The following GYG2 variants were observed in gnomAD, a reference collection of about 807,000 sequenced individuals.
The protein encoded by GYG2 is glycogenin-2.
A neutral mutation model predicts 29.4 loss-of-function variants in GYG2; 29 were observed. The ratio of observed to expected loss-of-function variants is 0.99; its 90% CI spans 0.74 to 1.35. The LOEUF (loss-of-function observed/expected upper bound fraction) is 1.35, where lower values mean the gene tolerates loss of function less well. GYG2 is among the 40% of genes most tolerant of loss of function. The probability of loss-of-function intolerance (pLI) is 0.00; values close to 1 mark genes in which losing one functional copy is unlikely to be tolerated. For missense variants in GYG2, 370 were observed against 385.7 expected, an observed-to-expected ratio of 0.96 and a Z score of 0.34; for synonymous variants, 167 against 172.3, an observed-to-expected ratio of 0.97 and a Z score of 0.24.
intron 2 of GYG2, among the ~76,000 whole-genome samples, chrX:2,838,111 T>C (rs147720692): frequency 1.8e-5 from 2 of 111,629 alleles, no homozygotes; most frequent in Non-Finnish European, 3.8e-5. Flanking sequence ...TGAGAAATGG[T>C]ACGTGGTAGA....
At chrX:2,870,665 G>C (rs184881818) in intron 8 of GYG2, among the ~76,000 whole-genome samples, 2 of 112,051 alleles carry the variant, frequency 1.8e-5, no homozygotes, top group East Asian at 5.6e-4. Context: ...CCACATTCTA[G>C]CTTCAGTTAT....
In GYG2 at chrX:2,875,973, C is replaced by T. The variant is rs1229140255; in HGVS notation, c.1143+59C>T. 3 of 662,977 alleles carry T rather than the reference C, an allele frequency of 4.5e-6. No individual in the cohort carries two copies. In the African/African-American group the frequency reaches 6.7e-5, roughly 15 times the overall value. The allele number at this position is 662,977 out of a possible 1,213,427, so 54.6% of individuals were successfully genotyped here. The stretch of plus-strand genomic sequence containing the variant: ...GCTCTCTTATTGCTTGTTATTTTCT[C>T]ACAGGGTCTATCCCCATTACATACC... On this transcript the variant is annotated intron_variant, in intron 9 of 10. Coordinates refer to ENST00000398806, the MANE Select transcript of GYG2 (RefSeq NM_001079855.2).
chrX:2,843,444 G>A (rs1266960479), intron 3 of GYG2, 90 bp downstream of exon 3: 9 of 699,852 alleles, frequency 1.3e-5, no homozygotes, highest in African/African-American at 4.4e-5. Context: ...TTATTCTGAC[G>A]ACTGACTGCC....
intron 3 of GYG2, among the ~76,000 whole-genome samples, chrX:2,844,480 A>G (rs778426003): frequency 9.1e-6 from 1 of 109,996 alleles, no homozygotes; most frequent in East Asian, 2.9e-4. Flanking sequence ...ATGCATATAT[A>G]TGTGTATATG....
rs148296798 is a variant in GYG2, at chrX:2,881,150, C to G, written c.1350C>G (p.Ile450Met). 877 of 1,204,796 alleles carry G rather than the reference C, an allele frequency of 7.3e-4. No individual in the cohort carries two copies. Among genetic ancestry groups the G allele is most frequent in the Non-Finnish European group, 8.8e-4 (783 of 892,441 alleles). Residue 450 changes from isoleucine (I) to methionine (M), a missense_variant, in exon 11 of 11, where the codon ATC (isoleucine) becomes ATG (methionine). Physicochemically the swap from Ile to Met is conservative, Grantham distance 10 (BLOSUM62 1). Transcript: ENST00000398806. ...EERRKWEEGR[I>M]DYMGKDAFAR... Reference sequence around the variant, plus strand: ...GGAGGAAGTGGGAGGAAGGCCGTATCGACTACATGGGGAAGGACGCGTTTG... The same window carrying G: ...GGAGGAAGTGGGAGGAAGGCCGTATGGACTACATGGGGAAGGACGCGTTTG...
rs1337525918 is a variant in GYG2 at position 2,862,151 on chromosome X, T to TGG, written c.1038+431_1038+432dup. 3.6e-5 allele frequency among the ~76,000 whole-genome samples: 4 copies of TGG among 110,704 alleles called. 1 individual carries two copies. Among genetic ancestry groups the TGG allele is most frequent in the African/African-American group, 1.3e-4 (4 of 30,410 alleles). ...AGAGAGAGAGGGGATTGGAAGACGC[T>TGG]GGGCTGCTGGCTTTGAAGATGGAAG... On this transcript the variant is annotated intron_variant, in intron 8 of 10. Coordinates refer to ENST00000398806, the MANE Select transcript of GYG2 (RefSeq NM_001079855.2).
chrX:2,866,668 G>C (rs754524952), intron 8 of GYG2, among the ~76,000 whole-genome samples: 211 of 111,304 alleles, frequency 1.9e-3, no homozygotes, highest in African/African-American at 6.8e-3. Context: ...GCTGGACGGA[G>C]GATATTGTAT....
chrX:2,866,881 C>T (rs1441999643), intron 8 of GYG2, among the ~76,000 whole-genome samples: 2 of 110,482 alleles, frequency 1.8e-5, no homozygotes, highest in African/African-American at 6.6e-5. Context: ...AGAAGGTCAT[C>T]AGCTGGTTTC....
chrX:2,881,173 T>C lies in GYG2; in HGVS notation c.1373T>C (p.Phe458Ser). 1 of 1,201,298 alleles carries C rather than the reference T, an allele frequency of 8.3e-7. No individual in the cohort carries two copies. Among genetic ancestry groups the C allele is most frequent in the Non-Finnish European group, 1.1e-6 (1 of 889,934 alleles). The change falls in exon 11 of 11, where the codon TTT becomes TCT. Residue 458 changes from phenylalanine (F) to serine (S), a missense_variant. Phe to Ser is a radical substitution (Grantham distance 155). Transcript: ENST00000398806. ...ATCGACTACATGGGGAAGGACGCGT[T>C]TGCTCGCATCCAGGAGAAGCTGGAC... ...GRIDYMGKDA[F>S]ARIQEKLDRF...
intron 3 of GYG2, among the ~76,000 whole-genome samples, chrX:2,849,803 A>C (rs1428520288): frequency 1.8e-5 from 2 of 111,900 alleles, no homozygotes; most frequent in African/African-American, 6.5e-5. Flanking sequence ...ACTCCTGCAA[A>C]ATGGAATGTA....
At chrX:2,842,336 G>A (rs2087521317) in intron 2 of GYG2, among the ~76,000 whole-genome samples, 1 of 107,772 alleles carries the variant, frequency 9.3e-6, no homozygotes. Flanking sequence ...CTAGGACTAC[G>A]GGCATGCACC....
intron 2 of GYG2, among the ~76,000 whole-genome samples, chrX:2,836,931 C>T (rs1391236570): frequency 2.7e-5 from 3 of 111,482 alleles, no homozygotes; most frequent in Non-Finnish European, 5.6e-5. Flanking sequence ...CATATCACTG[C>T]GCTCCAGCCT....
intron 10 of GYG2, 95 bp downstream of exon 10, chrX:2,877,402 T>C: frequency 9.0e-7 from 1 of 1,114,561 alleles, no homozygotes; most frequent in East Asian, 3.2e-5. Context: ...CTGTTAATTT[T>C]TCAGCCTCAT....
rs1603459251 is a variant in GYG2, at chrX:2,854,118, C to T, written c.288C>T (p.His96=). ...LTKLHCWTLT[H]YSKCVFLDAD... is the part of the protein sequence containing the mutation. ...AGCTTCACTGTTGGACTCTCACTCA[C>T]TACAGCAAGTGTGTCTTCCTGGATG... Residue 96 remains histidine (H), a synonymous_variant, in exon 4 of 11, where the codon CAC becomes CAT. Coordinates refer to ENST00000398806, the MANE Select transcript of GYG2 (RefSeq NM_001079855.2). 2 of 1,204,015 alleles carry T rather than the reference C, an allele frequency of 1.7e-6. No homozygotes were observed. Among genetic ancestry groups the T allele is most frequent in the Non-Finnish European group, 2.2e-6 (2 of 890,343 alleles).
chrX:2,870,671 G>A (rs976299568), intron 8 of GYG2, among the ~76,000 whole-genome samples: 1 of 112,110 alleles, frequency 8.9e-6, no homozygotes, highest in African/African-American at 3.2e-5. Context: ...TCTAGCTTCA[G>A]TTATTATGTT....
intron 2 of GYG2, among the ~76,000 whole-genome samples, chrX:2,840,634 A>G (rs1429426155): frequency 3.6e-5 from 4 of 111,916 alleles, no homozygotes; most frequent in African/African-American, 9.7e-5. Context: ...AAAGATTGAT[A>G]GATATAAATA....
intron 3 of GYG2, among the ~76,000 whole-genome samples, chrX:2,849,189 T>C (rs5982892): frequency 0.15 from 16,471 of 111,110 alleles, 912 homozygotes; most frequent in East Asian, 0.26. Flanking sequence ...CCATTTGTAG[T>C]GAGGTGGAGT....
chrX:2,870,130 T>C (rs1216523561), intron 8 of GYG2, among the ~76,000 whole-genome samples: 1 of 111,042 alleles, frequency 9.0e-6, no homozygotes, highest in East Asian at 2.8e-4. Flanking sequence ...TCAAGTTTTT[T>C]TACTCTTTTT....
At chrX:2,851,268 CAG>C (rs1379024758) in intron 3 of GYG2, among the ~76,000 whole-genome samples, 4 of 111,561 alleles carry the variant, frequency 3.6e-5, no homozygotes, top group African/African-American at 1.3e-4. Context: ...TGTTTTGAGA[CAG>C]AGCCTCGCTC....
Sources: allele counts gnomAD v4.1 joint callset (sites outside exome capture counted in the v4.1 genomes callset), GRCh38; gene constraint gnomAD v4.1.1; transcripts MANE v1.5; gene names NCBI Gene and HGNC (gene_info 2026-07-23, HGNC 2026-07-21).